AANAT: variants seen among roughly 807,000 people sequenced by gnomAD.
AANAT encodes serotonin N-acetyltransferase.
In AANAT, 11 loss-of-function variants were observed where a neutral mutation model predicts 15.6. The ratio of observed to expected loss-of-function variants is 0.71; its 90% CI spans 0.44 to 1.17. The LOEUF (loss-of-function observed/expected upper bound fraction) is 1.17. AANAT is among the 50% of genes most tolerant of loss of function. AANAT has a pLI of 0.00. For synonymous variants in AANAT, 139 were observed against 131.5 expected, an observed-to-expected ratio of 1.06 and a Z score of -0.39; for missense variants, 286 against 296.3, an observed-to-expected ratio of 0.97 and a Z score of 0.26.
rs528520164 is a variant in AANAT, at chr17:76,457,904, C to T, written c.-575-1343C>T. On this transcript the variant is annotated intron_variant, in intron 1 of 6. Coordinates refer to the AANAT transcript ENST00000250615. ...TACAAAAATTAGCCAGGCTTGGTGG[C>T]GGGCGCCTGAAATCCCAGCTACTCA... Among the ~76,000 whole-genome samples the T allele has an allele frequency of 3.9e-4, 60 of 152,244 alleles. 1 individual carries two copies. In the South Asian group the frequency reaches 7.3e-3, roughly 18 times the overall value.
Position 76,469,476 on chromosome 17 carries a change from C to T in AANAT, c.318+149C>T. ...GCCACAGGCCCCTCCCAGAGCAAGA[C>T]CTTCTGGGTCTTCAAGTTTTCTCCA... On this transcript the variant is annotated intron_variant, in intron 3 of 3. Coordinates refer to ENST00000392492, the MANE Select transcript of AANAT (RefSeq NM_001088.3). The surrounding 1 kb of genome is among the most constrained non-coding windows in gnomAD (Gnocchi z 5.2). 2 of 1,273,854 alleles carry T rather than the reference C, an allele frequency of 1.6e-6. No homozygotes were observed. Among genetic ancestry groups the T allele is most frequent in the Non-Finnish European group, 1.1e-6 (1 of 936,526 alleles). The allele number at this position is 1,273,854 out of a possible 1,614,324, so 78.9% of individuals were successfully genotyped here.
rs2073508789 is a variant in AANAT at position 76,470,040 on chromosome 17, C to T, written c.*70C>T. 2 of 1,390,560 alleles carry T rather than the reference C, an allele frequency of 1.4e-6. No individual in the cohort carries two copies. The highest frequency in any genetic ancestry group is 1.5e-5 in the South Asian group (1 of 65,018). The allele number at this position is 1,390,560 out of a possible 1,614,324, so 86.1% of individuals were successfully genotyped here. ...CTGGGCTCCTCTTAGCTCAGCTGAG[C>T]ATGGAGACAGCAGTTTCCAGAGAGT... On this transcript the variant is annotated 3_prime_UTR_variant, in exon 4 of 4. Transcript: ENST00000392492.
intron 1 of AANAT, among the ~76,000 whole-genome samples, chr17:76,455,077 A>G (rs2073329326): frequency 6.6e-6 from 1 of 152,174 alleles, no homozygotes; most frequent in African/African-American, 2.4e-5. Flanking sequence ...TAGTGAGCCT[A>G]GATCGCGCCG....
Position 76,469,294 on chromosome 17 carries a change from C to T in AANAT, c.285C>T (p.Ile95=), listed in dbSNP as rs375853679. 65 of 1,614,006 alleles carry T rather than the reference C, an allele frequency of 4.0e-5. No homozygotes were observed. The Admixed American group carries it at 5.0e-4, about 12-fold the overall frequency. ...FEEGCLVAFI[I]GSLWDKERLM... Reference sequence around the variant, plus strand: ...AGGGCTGCCTTGTGGCCTTCATCATCGGCTCGCTCTGGGACAAGGAGAGAC... The same window carrying T: ...AGGGCTGCCTTGTGGCCTTCATCATTGGCTCGCTCTGGGACAAGGAGAGAC... Residue 95 remains isoleucine (I), a synonymous_variant, in exon 3 of 4, where the codon ATC becomes ATT. Transcript: ENST00000392492. The surrounding 1 kb of genome is among the most constrained non-coding windows in gnomAD (Gnocchi z 5.2).
upstream of AANAT, among the ~76,000 whole-genome samples, chr17:76,463,465 G>A (rs549985048): frequency 6.6e-6 from 1 of 151,814 alleles, no homozygotes; most frequent in South Asian, 2.1e-4. Flanking sequence ...CCACCACCAC[G>A]CCCAGATCAT....
upstream of AANAT, among the ~76,000 whole-genome samples, chr17:76,466,975 C>T (rs72466439): frequency 2.6e-5 from 4 of 151,940 alleles, no homozygotes; most frequent in Non-Finnish European, 5.9e-5. Context: ...CTGGGTGGGG[C>T]GGAGAGGCAG....
chr17:76,455,649 G>T (rs140964252), intron 1 of AANAT, among the ~76,000 whole-genome samples: 1 of 152,072 alleles, frequency 6.6e-6, no homozygotes, highest in Non-Finnish European at 1.5e-5. Flanking sequence ...ACAGTATTTA[G>T]GTTCTTCAAA....
chr17:76,469,342 G>T lies in AANAT; in HGVS notation c.318+15G>T. The T allele has an allele frequency of 6.2e-7, 1 of 1,613,306 alleles. No individual in the cohort carries two copies. The highest frequency in any genetic ancestry group is 2.2e-5 in the East Asian group (1 of 44,878). ...GACTCATGCAGGTGAGGACAGGGCT[G>T]CGACGCCCAGCTCCAGGGAGGCCTC... is the stretch of plus-strand genomic sequence containing the variant. On this transcript the variant is annotated intron_variant, in intron 3 of 3. Transcript: ENST00000392492. The surrounding 1 kb of genome is among the most constrained non-coding windows in gnomAD (Gnocchi z 5.2).
Position 76,469,285 on chromosome 17 carries a change from C to T in AANAT, c.276C>T (p.Ala92=), listed in dbSNP as rs1277815272. ...LGWFEEGCLV[A]FIIGSLWDKE... ...GGTTCGAGGAGGGCTGCCTTGTGGC[C>T]TTCATCATCGGCTCGCTCTGGGACA... Residue 92 remains alanine (A), a synonymous_variant, in exon 3 of 4, where the codon GCC becomes GCT. Coordinates refer to ENST00000392492, the MANE Select transcript of AANAT (RefSeq NM_001088.3). The surrounding 1 kb of genome is among the most constrained non-coding windows in gnomAD (Gnocchi z 5.2). The T allele has an allele frequency of 2.5e-6, 4 of 1,614,170 alleles. No homozygotes were observed. The highest frequency in any genetic ancestry group is 2.2e-5 in the East Asian group (1 of 44,884).
At chr17:76,463,934 C>G (rs1161225959), upstream of AANAT, among the ~76,000 whole-genome samples, 2 of 152,126 alleles carry the variant, frequency 1.3e-5, no homozygotes, top group Non-Finnish European at 2.9e-5. Flanking sequence ...GGGATGGGGG[C>G]TCTGATGGGT....
At chr17:76,467,497 A>G, upstream of AANAT, 1 of 974,002 alleles carries the variant, frequency 1.0e-6, no homozygotes, top group Non-Finnish European at 1.2e-6. Context: ...TCAGCAAGGC[A>G]GGGGCCGAGG....
upstream of AANAT, chr17:76,466,029 G>A (rs1221360968): frequency 2.9e-6 from 2 of 701,224 alleles, no homozygotes; most frequent in African/African-American, 3.5e-5. Context: ...GCCTCATCTT[G>A]TTCCCTGAGG....
intron 1 of AANAT, among the ~76,000 whole-genome samples, chr17:76,457,700 G>C (rs1327311834): frequency 6.6e-6 from 1 of 152,288 alleles, no homozygotes; most frequent in Middle Eastern, 3.4e-3. Context: ...GTGTAACCCT[G>C]GTGCCTAGGA....
chr17:76,467,777 C>T, intron 1 of AANAT, 50 bp downstream of exon 1: 1 of 960,354 alleles, frequency 1.0e-6, no homozygotes. Flanking sequence ...ACAGGAGCTT[C>T]TCTACTTGGA....
chr17:76,468,574 A>G (rs1300234031), intron 1 of AANAT, 98 bp from the exon 2 acceptor site: 6 of 1,101,910 alleles, frequency 5.4e-6, no homozygotes, highest in Non-Finnish European at 7.6e-6. Flanking sequence ...GGCTGTCTCC[A>G]CCCCAGTTCC....
chr17:76,458,722 T>C (rs528580428), intron 1 of AANAT, among the ~76,000 whole-genome samples: 2 of 152,342 alleles, frequency 1.3e-5, no homozygotes, highest in Admixed American at 6.5e-5. Flanking sequence ...CCACAAAGTA[T>C]GCTCAGGCCC....
intron 1 of AANAT, chr17:76,468,464 C>T: frequency 1.7e-6 from 1 of 584,976 alleles, no homozygotes; most frequent in South Asian, 2.2e-5. Flanking sequence ...AGGGATCCTT[C>T]TGGCTGAGAG....
At chr17:76,466,928 C>T (rs147181029), upstream of AANAT, among the ~76,000 whole-genome samples, 103 of 152,266 alleles carry the variant, frequency 6.8e-4, no homozygotes, top group Middle Eastern at 0.01. Flanking sequence ...ACCTCCAGGA[C>T]CCCCAGGAGC....
chr17:76,459,606 G>A lies in AANAT; in HGVS notation c.-456+240G>A, dbSNP rs530198214. ...TCCATGGAGATGTGGGGAGGTGGGA[G>A]GTACAGTGGCTGAGAGTGAGCTTCC... is the stretch of plus-strand genomic sequence containing the variant. On this transcript the variant is annotated intron_variant, in intron 2 of 6. Transcript: ENST00000250615. Among the ~76,000 whole-genome samples the A allele has an allele frequency of 2.2e-4, 34 of 152,304 alleles. 1 individual carries two copies. In the South Asian group the frequency reaches 4.4e-3, roughly 19 times the overall value.
Sources: gnomAD v4.1 joint callset for allele counts (sites outside exome capture counted in the v4.1 genomes callset) on GRCh38, gnomAD v4.1.1 for gene constraint, Gnocchi (gnomAD v3.1) non-coding constraint, MANE v1.5 for transcripts, NCBI Gene and HGNC (gene_info 2026-07-23, HGNC 2026-07-21) for gene names.